The following PPFIA2 variants were observed in gnomAD, a reference collection of about 807,000 sequenced individuals.
PPFIA2 encodes PPFI scaffold protein A2, also known as liprin-alpha-2.
PPFIA2 carries 46 observed loss-of-function variants against 175.5 expected under a neutral mutation model. The ratio of observed to expected loss-of-function variants is 0.26; its 90% CI spans 0.21 to 0.34. PPFIA2 has a LOEUF of 0.34. Ranked by LOEUF, PPFIA2 falls within the 10% of genes least tolerant of loss-of-function variation. PPFIA2 has a pLI of 1.00. For synonymous variants in PPFIA2, 568 were observed against 511.4 expected (o/e 1.11, Z -1.49); for missense variants, 1,179 against 1,506.1 (o/e 0.78, Z 3.60).
rs191930164 is a variant in PPFIA2 at position 81,670,635 on chromosome 12, C to T, written c.303+6156G>A. Among the ~76,000 whole-genome samples, 3 of 151,916 alleles carry T rather than the reference C, an allele frequency of 2.0e-5. No individual in the cohort carries two copies. The Admixed American group carries it at 2.0e-4, about 10-fold the overall frequency. On this transcript the variant is annotated intron_variant, in intron 4 of 32. Coordinates refer to ENST00000549396, the MANE Select transcript of PPFIA2 (RefSeq NM_003625.5). ...AGCTCTTAAAATAGTTCTCTACAGT[C>T]ACTGAATACAGTTGTTAGTCTTCCA...
chr12:81,689,405 A>G (rs919045570), intron 3 of PPFIA2, among the ~76,000 whole-genome samples: 3 of 152,100 alleles, frequency 2.0e-5, no homozygotes, highest in Non-Finnish European at 4.4e-5. Flanking sequence ...GCTCCATTTC[A>G]ATTGATGCTA....
intron 6 of PPFIA2, among the ~76,000 whole-genome samples, chr12:81,443,238 C>A (rs1240598687): frequency 6.6e-6 from 1 of 151,894 alleles, no homozygotes; most frequent in African/African-American, 2.4e-5. Context: ...CTAGGATTAT[C>A]TTAATTCAAG....
intron 16 of PPFIA2, among the ~76,000 whole-genome samples, chr12:81,356,374 C>T (rs775192127): frequency 2.0e-5 from 3 of 151,972 alleles, no homozygotes; most frequent in Admixed American, 6.6e-5. Context: ...TGAAATATTT[C>T]GAGAACTGGT....
chr12:81,585,063 TAA>T (rs2075112893), intron 4 of PPFIA2, among the ~76,000 whole-genome samples: 1 of 119,576 alleles, frequency 8.4e-6, no homozygotes, highest in Non-Finnish European at 1.7e-5. Flanking sequence ...TATAATTATA[TAA>T]TATATAAATA....
intron 2 of PPFIA2, among the ~76,000 whole-genome samples, chr12:81,755,432 T>A (rs1188579669): frequency 6.6e-6 from 1 of 152,168 alleles, no homozygotes; most frequent in African/African-American, 2.4e-5. Flanking sequence ...AAGCACTGTT[T>A]GGTTTTATAA....
At chr12:81,536,560 A>T (rs942354966) in intron 4 of PPFIA2, among the ~76,000 whole-genome samples, 4 of 150,962 alleles carry the variant, frequency 2.6e-5, no homozygotes, top group Admixed American at 2.0e-4. Context: ...TATATTGAAA[A>T]AAATCAATTT....
chr12:81,348,660 C>G (rs923590772), intron 17 of PPFIA2, among the ~76,000 whole-genome samples: 1 of 151,968 alleles, frequency 6.6e-6, no homozygotes, highest in African/African-American at 2.4e-5. Context: ...CGCTTGAACC[C>G]GGGAGGCAGA....
intron 22 of PPFIA2, among the ~76,000 whole-genome samples, chr12:81,321,591 A>G (rs543431883): frequency 4.6e-5 from 7 of 152,260 alleles, no homozygotes; most frequent in Non-Finnish European, 8.8e-5. Context: ...TGTCAGGTAG[A>G]TTTAACTATT....
intron 7 of PPFIA2, among the ~76,000 whole-genome samples, chr12:81,427,418 G>T (rs1045331308): frequency 6.6e-6 from 1 of 151,970 alleles, no homozygotes; most frequent in South Asian, 2.1e-4. Context: ...TGGGTTCGGG[G>T]TATTGTTACA....
chr12:81,282,858 T>C (rs905661060), intron 26 of PPFIA2, 152 bp downstream of exon 26: 3 of 533,342 alleles, frequency 5.6e-6, no homozygotes, highest in Admixed American at 6.8e-5. Context: ...ACATATAAAG[T>C]ATTAAACATA....
intron 24 of PPFIA2, among the ~76,000 whole-genome samples, chr12:81,287,418 T>C (rs530856355): frequency 6.6e-6 from 1 of 152,086 alleles, no homozygotes; most frequent in South Asian, 2.1e-4. Flanking sequence ...GCTATGGTTT[T>C]ATCTGTTTCA....
chr12:81,558,261 A>G (rs185102287), intron 4 of PPFIA2, among the ~76,000 whole-genome samples: 1 of 152,208 alleles, frequency 6.6e-6, no homozygotes, highest in East Asian at 1.9e-4. Context: ...TATATAGAGA[A>G]TCATATTCAT....
intron 4 of PPFIA2, among the ~76,000 whole-genome samples, chr12:81,478,967 A>G (rs1303338502): frequency 6.6e-6 from 1 of 152,128 alleles, no homozygotes; most frequent in Non-Finnish European, 1.5e-5. Flanking sequence ...AGTCCTGAAT[A>G]TCCTTATTAA....
chr12:81,377,489 G>A (rs1318051773), intron 9 of PPFIA2, among the ~76,000 whole-genome samples: 3 of 151,608 alleles, frequency 2.0e-5, no homozygotes, highest in African/African-American at 2.4e-5. Flanking sequence ...GGAGGTGGAG[G>A]TTGCAGTGAG....
intron 7 of PPFIA2, among the ~76,000 whole-genome samples, chr12:81,410,130 C>T (rs2043667001): frequency 6.6e-6 from 1 of 152,136 alleles, no homozygotes; most frequent in Admixed American, 6.6e-5. Context: ...GAAGGCAGTC[C>T]TTCCAAATCT....
intron 4 of PPFIA2, among the ~76,000 whole-genome samples, chr12:81,594,262 G>A (rs970912243): frequency 4.6e-5 from 7 of 152,052 alleles, no homozygotes; most frequent in Non-Finnish European, 1.0e-4. Flanking sequence ...TTTTAAGCAC[G>A]GAAGCAGGAG....
intron 4 of PPFIA2, among the ~76,000 whole-genome samples, chr12:81,618,218 T>G (rs1042386824): frequency 2.0e-5 from 3 of 151,940 alleles, no homozygotes; most frequent in Non-Finnish European, 4.4e-5. Flanking sequence ...TTAATCAGCT[T>G]TATTTTCTTC....
chr12:81,487,696 T>C (rs1220633608), intron 4 of PPFIA2, among the ~76,000 whole-genome samples: 1 of 151,768 alleles, frequency 6.6e-6, no homozygotes, highest in Non-Finnish European at 1.5e-5. Context: ...GGCCCACTCT[T>C]AGGATTCTTT....
At chr12:81,713,150 G>A (rs932213390) in intron 3 of PPFIA2, among the ~76,000 whole-genome samples, 2 of 151,022 alleles carry the variant, frequency 1.3e-5, no homozygotes, top group Non-Finnish European at 2.9e-5. Context: ...TAGAAAATAT[G>A]ATAAATAATA....
Sources: gnomAD v4.1 joint callset for allele counts (sites outside exome capture counted in the v4.1 genomes callset) on GRCh38, gnomAD v4.1.1 for gene constraint, MANE v1.5 for transcripts, NCBI Gene and HGNC (gene_info 2026-07-23, HGNC 2026-07-21) for gene names.